FA2H: variants seen among roughly 807,000 people sequenced by gnomAD.
The protein encoded by FA2H is fatty acid alpha-hydroxylase.
A neutral mutation model predicts 44.9 loss-of-function variants in FA2H; 22 were observed. That is an observed-to-expected ratio of 0.49 (90% CI 0.35 to 0.70). FA2H has a LOEUF of 0.70. Among genes scored for constraint, FA2H ranks in the 30% least tolerant of loss-of-function variants. The pLI is 0.01. For synonymous variants in FA2H, 243 were observed against 213.2 expected (o/e 1.14, Z -1.22); for missense variants, 501 against 504.9 (o/e 0.99, Z 0.07).
chr16:74,720,918 C>G (rs573977056), intron 4 of FA2H, among the ~76,000 whole-genome samples: 2 of 152,352 alleles, frequency 1.3e-5, no homozygotes, highest in East Asian at 3.9e-4. Context: ...AACTCCATTC[C>G]TTTTTAAGAC....
intron 1 of FA2H, among the ~76,000 whole-genome samples, chr16:74,741,806 A>ATGTGTGTGTGTGTGTGTGTGTGTGTGTG (rs1482714202): frequency 1.6e-5 from 1 of 60,766 alleles, no homozygotes; most frequent in Non-Finnish European, 2.9e-5. Context: ...ATATATATAT[A>ATGTGTGTGTGTGTGTGTGTGTGTGTGTG]TATGTGTGTG....
intron 1 of FA2H, among the ~76,000 whole-genome samples, chr16:74,752,649 G>C (rs1346207689): frequency 1.3e-5 from 2 of 152,094 alleles, no homozygotes; most frequent in African/African-American, 2.4e-5. Flanking sequence ...GTGTCTTTTT[G>C]TCCCCAGCAC....
At chr16:74,729,836 T>C (rs1212977861) in intron 2 of FA2H, among the ~76,000 whole-genome samples, 2 of 151,138 alleles carry the variant, frequency 1.3e-5, no homozygotes, top group Non-Finnish European at 2.9e-5. Flanking sequence ...ACAATCGGAG[T>C]GAGGATGAGG....
intron 1 of FA2H, among the ~76,000 whole-genome samples, chr16:74,743,813 G>A (rs1962361597): frequency 6.6e-6 from 1 of 152,172 alleles, no homozygotes; most frequent in African/African-American, 2.4e-5. Flanking sequence ...CTCCTTGGCA[G>A]AAGCCCAGGT....
intron 1 of FA2H, among the ~76,000 whole-genome samples, chr16:74,764,990 T>C (rs75334308): frequency 6.6e-6 from 1 of 152,128 alleles, no homozygotes; most frequent in African/African-American, 2.4e-5. Context: ...AGGAGACTCA[T>C]GGGACGGGTA....
intron 2 of FA2H, among the ~76,000 whole-genome samples, chr16:74,733,790 G>T (rs1962126480): frequency 6.6e-6 from 1 of 152,210 alleles, no homozygotes; most frequent in African/African-American, 2.4e-5. Flanking sequence ...TTGCCATGGG[G>T]GTGGGCAGCG....
chr16:74,774,017 C>T (rs952873799), intron 1 of FA2H, among the ~76,000 whole-genome samples: 1 of 152,136 alleles, frequency 6.6e-6, no homozygotes, highest in Non-Finnish European at 1.5e-5. Context: ...TGATCTGTGC[C>T]TCTTTGAAGC....
chr16:74,741,767 T>C (rs1962300293), intron 1 of FA2H, among the ~76,000 whole-genome samples: 1 of 125,920 alleles, frequency 7.9e-6, no homozygotes, highest in Non-Finnish European at 1.6e-5. Flanking sequence ...GGCCAACACC[T>C]GATTAAATAT....
chr16:74,740,043 T>G lies in FA2H; in HGVS notation c.343A>C (p.Lys115Gln), dbSNP rs1250041931. Reference protein sequence around the residue: ...KTDPAMEPRFKVVDWDKDLVD... With the variant: ...KTDPAMEPRFQVVDWDKDLVD... ...GGTACCTTGTCCCAATCCACCACTT[T>G]GAACCGTGGTTCCATAGCAGGATCT... Residue 115 changes from lysine (K) to glutamine (Q), a missense_variant, in exon 2 of 7, where the codon AAA (lysine) becomes CAA (glutamine). By Grantham distance (53) the Lys-to-Gln change is moderately conservative (BLOSUM62 1). Coordinates refer to ENST00000219368, the MANE Select transcript of FA2H (RefSeq NM_024306.5). The G allele has an allele frequency of 6.2e-7, 1 of 1,613,952 alleles. No individual in the cohort carries two copies. The highest frequency in any genetic ancestry group is 8.5e-7 in the Non-Finnish European group (1 of 1,179,824).
chr16:74,758,196 T>C (rs985589273), intron 1 of FA2H, among the ~76,000 whole-genome samples: 30 of 149,896 alleles, frequency 2.0e-4, no homozygotes, highest in African/African-American at 5.9e-4. Context: ...TCTTGGCTCA[T>C]TGCAACCTCC....
At chr16:74,764,813 G>C (rs752379563) in intron 1 of FA2H, among the ~76,000 whole-genome samples, 1 of 152,068 alleles carries the variant, frequency 6.6e-6, no homozygotes, top group Non-Finnish European at 1.5e-5. Context: ...TGCATGAAAA[G>C]ACACCAGAAA....
intron 1 of FA2H, among the ~76,000 whole-genome samples, chr16:74,764,718 T>C (rs957631123): frequency 2.0e-5 from 3 of 149,422 alleles, no homozygotes; most frequent in African/African-American, 7.5e-5. Flanking sequence ...TTGCTGAACT[T>C]AGAAGTTTAA....
chr16:74,766,872 A>T lies in FA2H; in HGVS notation c.270+7614T>A, dbSNP rs1962818447. 3.3e-5 allele frequency among the ~76,000 whole-genome samples: 5 copies of T among 152,156 alleles called. No individual in the cohort carries two copies. The South Asian group carries it at 1.0e-3, about 31-fold the overall frequency. Reference sequence around the variant, plus strand: ...CATATAAACATGAGGGATTCACAAAACTATCCTATGGGGATAGAGATTAGA... The same window carrying T: ...CATATAAACATGAGGGATTCACAAATCTATCCTATGGGGATAGAGATTAGA... On this transcript the variant is annotated intron_variant, in intron 1 of 6. Coordinates refer to ENST00000219368, the MANE Select transcript of FA2H (RefSeq NM_024306.5).
chr16:74,716,567 G>C lies in FA2H; in HGVS notation c.819C>G (p.Pro273=). Residue 273 remains proline, a synonymous_variant, in exon 6 of 7, where the codon CCC becomes CCG. Transcript: ENST00000219368. ...APFDGSRLVF[P]PVPASLVIGV... The stretch of plus-strand genomic sequence containing the variant: ...CGATCACCAGGGAGGCTGGCACAGG[G>C]GGGAAGACCAGGCGGGAGCCGTCGA... 1.3e-6 allele frequency: 2 copies of C among 1,596,154 alleles called. No individual in the cohort carries two copies. Among genetic ancestry groups the C allele is most frequent in the African/African-American group, 1.3e-5 (1 of 74,682 alleles).
chr16:74,720,867 C>T (rs1242394941), intron 4 of FA2H, among the ~76,000 whole-genome samples: 4 of 152,170 alleles, frequency 2.6e-5, no homozygotes, highest in East Asian at 3.9e-4. Flanking sequence ...CTTCTCTTAC[C>T]GAATATGTTC....
chr16:74,722,320 G>T (rs1333154511), intron 4 of FA2H, among the ~76,000 whole-genome samples: 2 of 152,258 alleles, frequency 1.3e-5, no homozygotes, highest in Non-Finnish European at 2.9e-5. Flanking sequence ...AGGATCGTTT[G>T]AGCCCAGGAG....
chr16:74,733,696 C>T (rs933785694), intron 2 of FA2H, among the ~76,000 whole-genome samples: 6 of 152,196 alleles, frequency 3.9e-5, no homozygotes, highest in African/African-American at 9.7e-5. Flanking sequence ...CAGACGATGA[C>T]GGCTTGGGAT....
chr16:74,772,511 G>A (rs767551320), intron 1 of FA2H, among the ~76,000 whole-genome samples: 3 of 152,192 alleles, frequency 2.0e-5, no homozygotes, highest in Non-Finnish European at 4.4e-5. Flanking sequence ...GCACAGTGCT[G>A]TCAACCCATT....
At chr16:74,739,629 C>T (rs1023394666) in intron 2 of FA2H, among the ~76,000 whole-genome samples, 4 of 152,198 alleles carry the variant, frequency 2.6e-5, no homozygotes, top group African/African-American at 9.6e-5. Flanking sequence ...TGGCCAATGT[C>T]GCTTCCACAT....
Sources: gnomAD v4.1 joint callset for allele counts (sites outside exome capture counted in the v4.1 genomes callset) on GRCh38, gnomAD v4.1.1 for gene constraint, MANE v1.5 for transcripts, NCBI Gene and HGNC (gene_info 2026-07-23, HGNC 2026-07-21) for gene names.